Variants in UVRAG observed in about 807,000 individuals in gnomAD.
UVRAG encodes the protein UV radiation resistance associated, also known as UV radiation resistance-associated gene protein.
A neutral mutation model predicts 78.0 loss-of-function variants in UVRAG; 19 were observed. The observed-to-expected ratio is 0.24, with a 90% CI of 0.17 to 0.36. The LOEUF is 0.36. Ranked by LOEUF, UVRAG falls within the 10% of genes least tolerant of loss-of-function variation. The pLI is 1.00. For synonymous variants in UVRAG, 323 were observed against 324.6 expected, an observed-to-expected ratio of 1.00 and a Z score of 0.05; for missense variants, 740 against 853.8, an observed-to-expected ratio of 0.87 and a Z score of 1.66.
At chr11:75,974,270 A>G (rs937445235) in intron 7 of UVRAG, among the ~76,000 whole-genome samples, 10 of 147,380 alleles carry the variant, frequency 6.8e-5, no homozygotes, top group Admixed American at 6.8e-5. Context: ...ATGGTATCTC[A>G]TTGTGGTTTT....
intron 1 of UVRAG, among the ~76,000 whole-genome samples, chr11:75,829,541 A>G (rs7933235): frequency 0.21 from 31,458 of 152,160 alleles, 5,291 homozygotes; most frequent in African/African-American, 0.47. Context: ...TAAATGCCAG[A>G]GACTGTTTAG....
chr11:75,961,569 C>A lies in UVRAG; in HGVS notation c.699+20C>A. The A allele has an allele frequency of 6.5e-7, 1 of 1,540,888 alleles. No homozygotes were observed. The highest frequency in any genetic ancestry group is 8.8e-7 in the Non-Finnish European group (1 of 1,142,044). On this transcript the variant is annotated intron_variant, in intron 7 of 14. Coordinates refer to ENST00000356136, the MANE Select transcript of UVRAG (RefSeq NM_003369.4). ...GAACTGGTAGGTTTTTATGTATTTA[C>A]CTGTTTACACTTCTTGTTTTCTAAA...
rs561552647 is a variant in UVRAG, at chr11:76,136,638, C to CCCAGCTCACCACCAT, written c.1398-4073_1398-4072insCCAGCTCACCACCAT. 4.1e-3 allele frequency among the ~76,000 whole-genome samples: 628 copies of CCCAGCTCACCACCAT among 151,774 alleles called. 3 individuals are homozygous for CCCAGCTCACCACCAT. The highest frequency in any genetic ancestry group is 0.014 in the African/African-American group (598 of 41,386). The stretch of plus-strand genomic sequence containing the variant: ...CCTCAGCCCACAGTTGCTGGGACTA[C>CCCAGCTCACCACCAT]AAGCGCTCACCACCATACCCAGCTA... On this transcript the variant is annotated intron_variant, in intron 14 of 14. Transcript: ENST00000356136.
At chr11:76,106,044 C>T (rs1951961995) in intron 13 of UVRAG, among the ~76,000 whole-genome samples, 1 of 152,196 alleles carries the variant, frequency 6.6e-6, no homozygotes, top group Non-Finnish European at 1.5e-5. Context: ...CCTATGTCCA[C>T]ATACTTATAG....
At chr11:75,890,857 G>A (rs1405201316) in intron 5 of UVRAG, among the ~76,000 whole-genome samples, 1 of 152,182 alleles carries the variant, frequency 6.6e-6, no homozygotes, top group Non-Finnish European at 1.5e-5. Flanking sequence ...CTGAAAAGAA[G>A]TGGCCCAAGG....
In UVRAG at chr11:76,137,327, G is replaced by A. The variant is rs769693006; in HGVS notation, c.1398-3384G>A. On this transcript the variant is annotated intron_variant, in intron 14 of 14. Coordinates refer to ENST00000356136, the MANE Select transcript of UVRAG (RefSeq NM_003369.4). ...ACGCCAGGCTTACCTCCAGACCTGC[G>A]TCCTACAGAACAGACACCACTGAAC... is the stretch of plus-strand genomic sequence containing the variant. 34 of 455,400 alleles carry A rather than the reference G, an allele frequency of 7.5e-5. No individual in the cohort carries two copies. The Middle Eastern group carries it at 1.3e-3, about 17-fold the overall frequency. The allele number at this position is 455,400 out of a possible 1,614,324, so 28.2% of individuals were successfully genotyped here. A position where few individuals can be genotyped will look rare whatever the true frequency, so the allele number is the denominator to read the frequency against.
intron 13 of UVRAG, 23 bp from the exon 14 acceptor site, chr11:76,115,901 A>T: frequency 6.2e-7 from 1 of 1,610,844 alleles, no homozygotes; most frequent in African/African-American, 1.3e-5. Flanking sequence ...AATATCTTTA[A>T]TTCTATTTTT....
chr11:76,090,052 C>G (rs1298335100), intron 13 of UVRAG, among the ~76,000 whole-genome samples: 2 of 152,126 alleles, frequency 1.3e-5, no homozygotes, highest in Admixed American at 1.3e-4. Flanking sequence ...AAATGGAAAC[C>G]AGCCCTTTAG....
chr11:75,991,842 G>A (rs1247713689), intron 8 of UVRAG, among the ~76,000 whole-genome samples: 1 of 152,030 alleles, frequency 6.6e-6, no homozygotes, highest in Non-Finnish European at 1.5e-5. Context: ...TCTAAACAGT[G>A]ATATCTATAC....
chr11:76,061,459 T>C (rs1951092571), intron 12 of UVRAG, among the ~76,000 whole-genome samples: 1 of 152,178 alleles, frequency 6.6e-6, no homozygotes, highest in African/African-American at 2.4e-5. Context: ...TGTTTCGTTC[T>C]TTGCAATAAA....
At chr11:75,906,429 C>G (rs1048917065) in intron 5 of UVRAG, among the ~76,000 whole-genome samples, 3 of 152,096 alleles carry the variant, frequency 2.0e-5, no homozygotes, top group Non-Finnish European at 2.9e-5. Context: ...TCACTTCAAT[C>G]TCTGCCTCCT....
intron 12 of UVRAG, among the ~76,000 whole-genome samples, chr11:76,044,723 G>A (rs572189913): frequency 5.3e-5 from 8 of 152,210 alleles, no homozygotes; most frequent in Admixed American, 2.0e-4. Flanking sequence ...GTAGTGAGCC[G>A]AGATTGTGCT....
chr11:75,916,191 G>T (rs552047669), intron 6 of UVRAG: 3 of 152,110 alleles, frequency 2.0e-5, no homozygotes, highest in Non-Finnish European at 4.4e-5. Flanking sequence ...AAAGGGCTTT[G>T]GTCCTTCACC....
At chr11:76,066,724 G>C (rs1020372709) in intron 13 of UVRAG, among the ~76,000 whole-genome samples, 1 of 152,170 alleles carries the variant, frequency 6.6e-6, no homozygotes, top group Non-Finnish European at 1.5e-5. Context: ...GCCTGCCTCA[G>C]CCTCCCAAAG....
At chr11:75,928,979 AT>A (rs1224819390) in intron 6 of UVRAG, among the ~76,000 whole-genome samples, 3 of 148,616 alleles carry the variant, frequency 2.0e-5, no homozygotes, top group African/African-American at 7.4e-5. Flanking sequence ...TGAAAGCTGA[AT>A]TTAGCAACTT....
Position 75,963,208 on chromosome 11 carries a change from C to T in UVRAG, c.699+1659C>T, listed in dbSNP as rs117257741. 1.5e-3 allele frequency among the ~76,000 whole-genome samples: 225 copies of T among 152,132 alleles called. 4 individuals are homozygous for T. The East Asian group carries it at 0.033, about 22-fold the overall frequency. Reference sequence around the variant, plus strand: ...GCTCTATAAGGCGAGGGGTTTTTGTCTCTCTCTCTTTTTTTACATTGGTGT... The same window carrying T: ...GCTCTATAAGGCGAGGGGTTTTTGTTTCTCTCTCTTTTTTTACATTGGTGT... On this transcript the variant is annotated intron_variant, in intron 7 of 14. Coordinates refer to ENST00000356136, the MANE Select transcript of UVRAG (RefSeq NM_003369.4).
At chr11:75,847,570 C>T (rs1337388085) in intron 1 of UVRAG, among the ~76,000 whole-genome samples, 1 of 152,150 alleles carries the variant, frequency 6.6e-6, no homozygotes, top group East Asian at 1.9e-4. Flanking sequence ...CTGTGCCTGG[C>T]TCTGGAATGA....
At chr11:76,023,069 ATGT>A (rs1258774234) in intron 12 of UVRAG, among the ~76,000 whole-genome samples, 5 of 152,016 alleles carry the variant, frequency 3.3e-5, no homozygotes, top group African/African-American at 1.2e-4. Flanking sequence ...TCCCATCTTT[ATGT>A]TGTTGTTGTC....
At chr11:76,131,122 C>T (rs1403749109) in intron 14 of UVRAG, among the ~76,000 whole-genome samples, 1 of 152,082 alleles carries the variant, frequency 6.6e-6, no homozygotes, top group Non-Finnish European at 1.5e-5. Context: ...TGGGCTATGT[C>T]TGTTTCTACA....
Sources: gnomAD v4.1 joint callset for allele counts (sites outside exome capture counted in the v4.1 genomes callset) on GRCh38, gnomAD v4.1.1 for gene constraint, MANE v1.5 for transcripts, NCBI Gene and HGNC (gene_info 2026-07-23, HGNC 2026-07-21) for gene names.